MEGF9: variants seen among roughly 807,000 people sequenced by gnomAD.
MEGF9 encodes the protein multiple EGF like domains 9.
A neutral mutation model predicts 46.8 loss-of-function variants in MEGF9; 6 were observed. That is an observed-to-expected ratio of 0.13 (90% CI 0.07 to 0.25). The LOEUF (loss-of-function observed/expected upper bound fraction) is 0.25, where lower values mean the gene tolerates loss of function less well. Ranked by LOEUF, MEGF9 falls within the 10% of genes least tolerant of loss-of-function variation. The probability of loss-of-function intolerance (pLI) is 1.00; values close to 1 mark genes in which losing one functional copy is unlikely to be tolerated. For missense variants in MEGF9, 683 were observed against 792.4 expected, an observed-to-expected ratio of 0.86 and a Z score of 1.66; for synonymous variants, 302 against 330.7, an observed-to-expected ratio of 0.91 and a Z score of 0.94.
intron 1 of MEGF9, among the ~76,000 whole-genome samples, chr9:120,675,602 T>C (rs1219371207): frequency 6.7e-6 from 1 of 149,902 alleles, no homozygotes; most frequent in East Asian, 2.0e-4. Flanking sequence ...CAAAAAAAAA[T>C]TACTGGCCAG....
intron 2 of MEGF9, among the ~76,000 whole-genome samples, chr9:120,638,143 G>A (rs10984970): frequency 0.051 from 7,769 of 152,028 alleles, 285 homozygotes; most frequent in Non-Finnish European, 0.075. Context: ...ATAGGTGCAC[G>A]CTGCCACACG....
intron 1 of MEGF9, among the ~76,000 whole-genome samples, chr9:120,680,960 C>T (rs576817804): frequency 6.6e-6 from 1 of 151,740 alleles, no homozygotes; most frequent in African/African-American, 2.4e-5. Flanking sequence ...TCCAGAAATG[C>T]TGCCTAAGAG....
chr9:120,669,422 GC>G (rs2043739074), intron 1 of MEGF9, among the ~76,000 whole-genome samples: 1 of 151,982 alleles, frequency 6.6e-6, no homozygotes, highest in African/African-American at 2.4e-5. Flanking sequence ...ACAAAATCCA[GC>G]TACAAACAGT....
At chr9:120,665,211 CT>C (rs34560301) in intron 1 of MEGF9, among the ~76,000 whole-genome samples, 91,127 of 146,464 alleles carry the variant, frequency 0.62, 29,231 homozygotes, top group South Asian at 0.74. Context: ...CAATTCTACT[CT>C]TTTTTTTTTT....
intron 2 of MEGF9, among the ~76,000 whole-genome samples, chr9:120,655,564 A>G (rs2043672870): frequency 6.6e-6 from 1 of 152,210 alleles, no homozygotes; most frequent in African/African-American, 2.4e-5. Context: ...TCTTGCATGA[A>G]TCGTCCATCA....
chr9:120,604,579 TA>T lies in MEGF9; in HGVS notation c.*610del, dbSNP rs2043411933. ...GCTCCCCAATGCTGCCTTCCTCCCTTAGAAGCTTATCCTGTGCTTTCAACTC... is the reference window on the plus strand; with the variant it reads ...GCTCCCCAATGCTGCCTTCCTCCCTTGAAGCTTATCCTGTGCTTTCAACTC... On this transcript the variant is annotated 3_prime_UTR_variant, in exon 6 of 6. Transcript: ENST00000373930. 6.5e-6 allele frequency: 1 copy of T among 153,612 alleles called. No homozygotes were observed. The highest frequency in any genetic ancestry group is 2.4e-5 in the African/African-American group (1 of 41,446). The allele number at this position is 153,612 out of a possible 1,614,324, so 9.5% of individuals were successfully genotyped here. A position where few individuals can be genotyped will look rare whatever the true frequency, so the allele number is the denominator to read the frequency against.
chr9:120,607,053 TGA>T (rs937249793), intron 5 of MEGF9, among the ~76,000 whole-genome samples: 1 of 152,176 alleles, frequency 6.6e-6, no homozygotes, highest in African/African-American at 2.4e-5. Flanking sequence ...GGCAGAAAGA[TGA>T]CAGTTGCCAT....
At chr9:120,621,619 T>C (rs1199969514) in intron 3 of MEGF9, among the ~76,000 whole-genome samples, 1 of 152,332 alleles carries the variant, frequency 6.6e-6, no homozygotes, top group South Asian at 2.1e-4. Context: ...TCTTTCTAAG[T>C]TGACTCTAAC....
At chr9:120,649,758 T>C (rs2043641631) in intron 2 of MEGF9, among the ~76,000 whole-genome samples, 1 of 152,232 alleles carries the variant, frequency 6.6e-6, no homozygotes, top group South Asian at 2.1e-4. Context: ...TGAACTCTTG[T>C]TTATATCCAT....
At chr9:120,611,865 A>AGGAAGGAAGGAAGAAAGAGAG (rs572613293) in intron 4 of MEGF9, among the ~76,000 whole-genome samples, 1 of 137,154 alleles carries the variant, frequency 7.3e-6, no homozygotes, top group African/African-American at 3.0e-5. Flanking sequence ...GGAAGGAAGA[A>AGGAAGGAAGGAAGAAAGAGAG]AGAGAGAGAG....
chr9:120,709,185 C>A (rs1460978984), intron 1 of MEGF9, among the ~76,000 whole-genome samples: 4 of 152,114 alleles, frequency 2.6e-5, no homozygotes, highest in African/African-American at 9.6e-5. Context: ...CCAGCACTTT[C>A]GGAGGCTGAA....
At chr9:120,702,452 G>A (rs1351214060) in intron 1 of MEGF9, among the ~76,000 whole-genome samples, 4 of 151,850 alleles carry the variant, frequency 2.6e-5, no homozygotes, top group Admixed American at 6.6e-5. Flanking sequence ...ATATAGTCAC[G>A]AAAAAACTTT....
rs774822708 is a variant in MEGF9 at position 120,604,867 on chromosome 9, G to A, written c.*323C>T. ...TCATCATCTTGTTACCACTGGCTTG[G>A]TGAATGCTTCCCCAGGAGTCTATCT... On this transcript the variant is annotated 3_prime_UTR_variant, in exon 6 of 6. Coordinates refer to ENST00000373930, the MANE Select transcript of MEGF9 (RefSeq NM_001080497.3). 2 of 273,606 alleles carry A rather than the reference G, an allele frequency of 7.3e-6. 1 individual carries two copies. The highest frequency in any genetic ancestry group is 1.4e-4 in the East Asian group (2 of 14,380). 16.9% of individuals were successfully genotyped at this position (273,606 alleles called of 1,614,324 possible).
chr9:120,630,361 T>G (rs2043545155), intron 2 of MEGF9, among the ~76,000 whole-genome samples: 1 of 152,244 alleles, frequency 6.6e-6, no homozygotes, highest in African/African-American at 2.4e-5. Flanking sequence ...TCATTCTTTT[T>G]TATGGCTAAC....
intron 1 of MEGF9, among the ~76,000 whole-genome samples, chr9:120,693,275 C>CAAAAAAAAAAAAAAAAA (rs10633158): frequency 2.9e-5 from 3 of 104,464 alleles, no homozygotes; most frequent in Admixed American, 1.0e-4. Context: ...TCTGGTTAAC[C>CAAAAAAAAAAAAAAAAA]AAAAAAAAAA....
chr9:120,713,919 G>A lies in MEGF9; in HGVS notation c.440C>T (p.Thr147Ile). The A allele has an allele frequency of 7.4e-7, 1 of 1,344,446 alleles. No individual in the cohort carries two copies. The highest frequency in any genetic ancestry group is 9.6e-7 in the Non-Finnish European group (1 of 1,043,098). 83.3% of individuals were successfully genotyped at this position (1,344,446 alleles called of 1,614,324 possible). The change falls in exon 1 of 6, where the codon ACC becomes ATC. Residue 147 changes from threonine to isoleucine, a missense_variant. Thr to Ile is a moderately conservative substitution (Grantham distance 89). This residue lies in a region of MEGF9 where 370 missense variants were observed against 371.3 expected (regional missense o/e 1.00). Coordinates refer to ENST00000373930, the MANE Select transcript of MEGF9 (RefSeq NM_001080497.3). ...SQAPTRPAPT[T>I]LSTTTGPAPT... The stretch of plus-strand genomic sequence containing the variant: ...CGCCGGGCCAGTGGTCGTCGAAAGG[G>A]TGGTCGGCGCGGGTCTGGTCGGCGC...
At chr9:120,702,974 G>A (rs2043912020) in intron 1 of MEGF9, among the ~76,000 whole-genome samples, 1 of 152,208 alleles carries the variant, frequency 6.6e-6, no homozygotes, top group Non-Finnish European at 1.5e-5. Context: ...TTACAGACAA[G>A]TGCTCAGCTT....
chr9:120,676,265 C>CA (rs1285435382), intron 1 of MEGF9, among the ~76,000 whole-genome samples: 1 of 151,924 alleles, frequency 6.6e-6, no homozygotes, highest in African/African-American at 2.4e-5. Flanking sequence ...TCCATCTCTA[C>CA]AAAAAAAACT....
In MEGF9 at chr9:120,601,877, A is replaced by T. The variant is rs1193384218; in HGVS notation, c.*3313T>A. The T allele has an allele frequency of 6.6e-6, 1 of 152,218 alleles. No individual in the cohort carries two copies. The highest frequency in any genetic ancestry group is 1.5e-5 in the Non-Finnish European group (1 of 68,050). 9.4% of individuals were successfully genotyped at this position (152,218 alleles called of 1,614,324 possible). A position where few individuals can be genotyped will look rare whatever the true frequency, so the allele number is the denominator to read the frequency against. On this transcript the variant is annotated 3_prime_UTR_variant, in exon 6 of 6. Transcript: ENST00000373930. ...AATGCATAGGCGCTTACCAAAATGA[A>T]TTAATGAAGATAAAAGCATCGCTTA...
Sources: allele counts gnomAD v4.1 joint callset (sites outside exome capture counted in the v4.1 genomes callset), GRCh38; gene constraint gnomAD v4.1.1; regional missense constraint gnomAD v4.1.1; transcripts MANE v1.5; gene names NCBI Gene and HGNC (gene_info 2026-07-23, HGNC 2026-07-21).